TLN2: variants seen among roughly 807,000 people sequenced by gnomAD.
TLN2 encodes the protein talin 2.
A neutral mutation model predicts 294.7 loss-of-function variants in TLN2; 118 were observed. The observed-to-expected ratio is 0.40, with a 90% CI of 0.34 to 0.47. The LOEUF (loss-of-function observed/expected upper bound fraction) is 0.47, where lower values mean the gene tolerates loss of function less well. TLN2 is among the 20% of genes least tolerant of loss of function. The probability of loss-of-function intolerance (pLI) is 0.84; values close to 1 mark genes in which losing one functional copy is unlikely to be tolerated. For missense variants in TLN2, 3,083 were observed against 3,282.2 expected (o/e 0.94, Z 1.48); for synonymous variants, 1,431 against 1,304.5 (o/e 1.10, Z -2.09).
intron 3 of TLN2, chr15:62,638,295 C>T: frequency 2.9e-6 from 1 of 346,864 alleles, no homozygotes; most frequent in Non-Finnish European, 5.6e-6. Context: ...GGGCAGCACT[C>T]AGCTCAGTTG....
intron 1 of TLN2, among the ~76,000 whole-genome samples, chr15:62,405,593 C>T (rs78648018): frequency 0.01 from 1,527 of 152,262 alleles, 8 homozygotes; most frequent in Non-Finnish European, 0.017. Flanking sequence ...AGAATGAAAG[C>T]TGCATTTAGT....
chr15:62,632,466 T>C (rs1359857434), intron 3 of TLN2, among the ~76,000 whole-genome samples: 1 of 152,198 alleles, frequency 6.6e-6, no homozygotes, highest in Non-Finnish European at 1.5e-5. Context: ...CCTGTACTGC[T>C]TGCTACTGTC....
chr15:62,674,655 C>T (rs774583298), intron 10 of TLN2, among the ~76,000 whole-genome samples: 1 of 151,922 alleles, frequency 6.6e-6, no homozygotes, highest in Non-Finnish European at 1.5e-5. Context: ...GCATGTGCCA[C>T]CACACATGGC....
In TLN2 at chr15:62,590,723, A is replaced by C. The variant is rs528377492; in HGVS notation, c.-162+961A>C. Reference sequence around the variant, plus strand: ...GTCCTGGGGGGGTTGTGTGATCCCAAGTAGTGTGTACGAAGCATCCTGGGC... The same window carrying C: ...GTCCTGGGGGGGTTGTGTGATCCCACGTAGTGTGTACGAAGCATCCTGGGC... On this transcript the variant is annotated intron_variant, in intron 2 of 58. Transcript: ENST00000636159. Among the ~76,000 whole-genome samples, 29 of 152,230 alleles carry C rather than the reference A, an allele frequency of 1.9e-4. No individual in the cohort carries two copies. The South Asian group carries it at 6.0e-3, about 32-fold the overall frequency.
intron 3 of TLN2, among the ~76,000 whole-genome samples, 200 bp from the exon 4 acceptor site, chr15:62,647,075 A>G (rs1189758123): frequency 6.6e-6 from 1 of 152,188 alleles, no homozygotes; most frequent in Non-Finnish European, 1.5e-5. Context: ...CTTAGCCAAT[A>G]TGCTGTTGTT....
Position 62,739,397 on chromosome 15 carries a change from A to G in TLN2, c.3737A>G (p.Gln1246Arg). The change falls in exon 31 of 59, where the codon CAG (glutamine) becomes CGG (arginine). Residue 1246 changes from glutamine to arginine, a missense_variant. Transcript: ENST00000636159. ...CAGGAAGCCCAGAGTGAACTGAACC[A>G]GGCAGCAGCTGATCTGAACCAGTCT... ...PFQEAQSELN[Q>R]AAADLNQSAG... is the part of the protein sequence containing the mutation. 6.2e-7 allele frequency: 1 copy of G among 1,614,166 alleles called. No individual in the cohort carries two copies. Among genetic ancestry groups the G allele is most frequent in the Non-Finnish European group, 8.5e-7 (1 of 1,180,024 alleles).
chr15:62,472,069 T>C (rs1248877651), intron 1 of TLN2, among the ~76,000 whole-genome samples: 1 of 152,132 alleles, frequency 6.6e-6, no homozygotes, highest in East Asian at 1.9e-4. Flanking sequence ...CTCACCTGAT[T>C]TCCCCTGATT....
At chr15:62,536,701 G>A (rs896825314) in intron 1 of TLN2, among the ~76,000 whole-genome samples, 1 of 152,134 alleles carries the variant, frequency 6.6e-6, no homozygotes, top group Non-Finnish European at 1.5e-5. Flanking sequence ...CTTGGGCCTT[G>A]TAAAGTCAGC....
intron 12 of TLN2, among the ~76,000 whole-genome samples, chr15:62,691,204 C>T (rs1035519330): frequency 2.0e-5 from 3 of 152,154 alleles, no homozygotes; most frequent in East Asian, 3.9e-4. Context: ...CCAACACTGT[C>T]CTCTCCTGTT....
chr15:62,500,136 C>G (rs945225532), intron 1 of TLN2, among the ~76,000 whole-genome samples: 9 of 151,898 alleles, frequency 5.9e-5, no homozygotes, highest in African/African-American at 2.2e-4. Context: ...CAGGAGTTCA[C>G]GACCAGCCTC....
At chr15:62,800,328 T>C (rs745484423) in intron 48 of TLN2, 40 bp from the exon 49 acceptor site, 2 of 1,602,174 alleles carry the variant, frequency 1.2e-6, no homozygotes, top group Admixed American at 1.7e-5. Context: ...ACAGCTGACA[T>C]CTTGACGCCT....
intron 1 of TLN2, among the ~76,000 whole-genome samples, chr15:62,488,364 C>T (rs896697238): frequency 3.3e-5 from 5 of 152,060 alleles, no homozygotes; most frequent in Non-Finnish European, 2.9e-5. Flanking sequence ...CTGAAGAGGT[C>T]AGGAAAGGCT....
intron 1 of TLN2, among the ~76,000 whole-genome samples, chr15:62,550,006 A>G (rs146301719): frequency 1.3e-5 from 2 of 152,252 alleles, no homozygotes; most frequent in Non-Finnish European, 2.9e-5. Flanking sequence ...GGTTCTGATG[A>G]TGGTGATCCA....
chr15:62,626,399 C>T (rs2049285587), intron 3 of TLN2, among the ~76,000 whole-genome samples: 1 of 152,218 alleles, frequency 6.6e-6, no homozygotes, highest in African/African-American at 2.4e-5. Flanking sequence ...AGTATGTGAT[C>T]TCTTGCTCCC....
At position 62,409,214 on chromosome 15, in the gene TLN2, C is replaced by T. The variant is rs570759408; in HGVS notation, c.-238+18529C>T. ...TCTCTAACTCCTGAGCTCAAGCCTT[C>T]CGCCTGCCTCAGCCTCCCAAAGAGC... On this transcript the variant is annotated intron_variant, in intron 1 of 58. Coordinates refer to ENST00000636159, the MANE Select transcript of TLN2 (RefSeq NM_015059.3). 5.9e-4 allele frequency among the ~76,000 whole-genome samples: 90 copies of T among 152,084 alleles called. 1 individual carries two copies. Among genetic ancestry groups the T allele is most frequent in the African/African-American group, 2.0e-3 (82 of 41,500 alleles).
In TLN2 at chr15:62,447,643, G is replaced by A. The variant is rs373421477; in HGVS notation, c.-238+56958G>A. Among the ~76,000 whole-genome samples the A allele has an allele frequency of 2.2e-4, 33 of 151,988 alleles. 1 individual carries two copies. The East Asian group carries it at 4.5e-3, about 21-fold the overall frequency. On this transcript the variant is annotated intron_variant, in intron 1 of 58. Transcript: ENST00000636159. ...TGAGTAGCTGGGACTGTGGGCACCC[G>A]CCACCACGCCCGGCTAATTTTTTGT... is the stretch of plus-strand genomic sequence containing the variant.
Position 62,755,535 on chromosome 15 carries a change from C to T in TLN2, c.4480C>T (p.Leu1494=), listed in dbSNP as rs756696534. 1 of 1,613,950 alleles carries T rather than the reference C, an allele frequency of 6.2e-7. No homozygotes were observed. Among genetic ancestry groups the T allele is most frequent in the Non-Finnish European group, 8.5e-7 (1 of 1,179,952 alleles). ...VDPGSSPSQV[L]SAATIVAKHT... ...AACCTAGCTCCATGCTTTGTAGGTC[C>T]TGTCAGCCGCCACAATTGTTGCCAA... Residue 1494 remains leucine (L), a synonymous_variant, in exon 37 of 59, where the codon CTG becomes TTG. Coordinates refer to ENST00000636159, the MANE Select transcript of TLN2 (RefSeq NM_015059.3).
rs1000904034 is a variant in TLN2 at position 62,494,079 on chromosome 15, G to A, written c.-237-95608G>A. 1.8e-4 allele frequency among the ~76,000 whole-genome samples: 28 copies of A among 152,278 alleles called. 1 individual carries two copies. The highest frequency in any genetic ancestry group is 1.4e-3 in the Admixed American group (22 of 15,302). ...AAGACAACTGGGAGGAAGCCATGCA[G>A]GAGACTGGCTGTGGTAGTTTTCATG... On this transcript the variant is annotated intron_variant, in intron 1 of 58. Transcript: ENST00000636159.
chr15:62,557,610 A>G (rs1330511523), intron 1 of TLN2, among the ~76,000 whole-genome samples: 4 of 151,754 alleles, frequency 2.6e-5, no homozygotes, highest in East Asian at 1.9e-4. Context: ...GCTCACTGCA[A>G]CCTCCACCTC....
Sources: allele counts gnomAD v4.1 joint callset (sites outside exome capture counted in the v4.1 genomes callset), GRCh38; gene constraint gnomAD v4.1.1; transcripts MANE v1.5; gene names NCBI Gene and HGNC (gene_info 2026-07-23, HGNC 2026-07-21).